The following TMEM132D variants were observed in gnomAD, a reference collection of about 807,000 sequenced individuals.
TMEM132D encodes the protein transmembrane protein 132D, also known as mature OL transmembrane protein.
A neutral mutation model predicts 62.3 loss-of-function variants in TMEM132D; 21 were observed. The ratio of observed to expected loss-of-function variants is 0.34; its 90% CI spans 0.24 to 0.49. The LOEUF (loss-of-function observed/expected upper bound fraction) is 0.49, where lower values mean the gene tolerates loss of function less well. Among genes scored for constraint, TMEM132D ranks in the 20% least tolerant of loss-of-function variants. The probability of loss-of-function intolerance (pLI) is 0.99; values close to 1 mark genes in which losing one functional copy is unlikely to be tolerated. For missense variants in TMEM132D, 1,346 were observed against 1,402.8 expected, an observed-to-expected ratio of 0.96 and a Z score of 0.65; for synonymous variants, 621 against 575.6, an observed-to-expected ratio of 1.08 and a Z score of -1.13.
intron 2 of TMEM132D, among the ~76,000 whole-genome samples, chr12:129,613,948 TCTCCAGAACGCAGGGGACTGA>T (rs1878847850): frequency 6.7e-6 from 1 of 149,736 alleles, no homozygotes; most frequent in South Asian, 2.1e-4. Flanking sequence ...CAGGCAACTG[TCTCCAGAACGCAGGGGACTGA>T]CTCCAGAACC....
intron 2 of TMEM132D, among the ~76,000 whole-genome samples, chr12:129,549,331 C>T (rs1474243382): frequency 6.6e-6 from 1 of 151,324 alleles, no homozygotes; most frequent in Admixed American, 6.6e-5. Flanking sequence ...GCTGTGTCCC[C>T]ACCCAAATCT....
At chr12:129,424,671 A>C (rs7308953) in intron 3 of TMEM132D, among the ~76,000 whole-genome samples, 1 of 137,836 alleles carries the variant, frequency 7.3e-6, no homozygotes, top group African/African-American at 2.7e-5. Context: ...TCACGCCACT[A>C]CACTCCAGCC....
At chr12:129,099,970 T>TGGGACTACAGGC (rs1875247903) in intron 5 of TMEM132D, among the ~76,000 whole-genome samples, 2 of 129,042 alleles carry the variant, frequency 1.5e-5, no homozygotes, top group African/African-American at 4.3e-5. Flanking sequence ...GGACTACAGG[T>TGGGACTACAGGC]GCCCGCCACT....
intron 2 of TMEM132D, among the ~76,000 whole-genome samples, chr12:129,604,522 T>G (rs1037508176): frequency 6.6e-5 from 10 of 152,184 alleles, no homozygotes; most frequent in African/African-American, 2.4e-4. Flanking sequence ...GCACGAGCGT[T>G]GGATCCTACA....
At chr12:129,331,327 C>A (rs1869098330) in intron 4 of TMEM132D, among the ~76,000 whole-genome samples, 1 of 152,148 alleles carries the variant, frequency 6.6e-6, no homozygotes, top group African/African-American at 2.4e-5. Context: ...TATCCTTATG[C>A]CATTGTGAAC....
At chr12:129,471,669 A>G (rs937343417) in intron 3 of TMEM132D, among the ~76,000 whole-genome samples, 1 of 152,244 alleles carries the variant, frequency 6.6e-6, no homozygotes, top group Non-Finnish European at 1.5e-5. Context: ...GCATGTCAAA[A>G]GAGGTGATAG....
chr12:129,492,591 A>T (rs1446871901), intron 3 of TMEM132D, among the ~76,000 whole-genome samples: 1 of 152,208 alleles, frequency 6.6e-6, no homozygotes, highest in African/African-American at 2.4e-5. Flanking sequence ...GCTCATTAGA[A>T]GTTCTGTTTT....
At chr12:129,662,709 C>T (rs563094614) in intron 2 of TMEM132D, among the ~76,000 whole-genome samples, 15 of 143,952 alleles carry the variant, frequency 1.0e-4, no homozygotes, top group African/African-American at 3.3e-4. Context: ...AGGAGAATCG[C>T]TTGAACCTGG....
chr12:129,154,626 T>C (rs1425911058), intron 5 of TMEM132D, among the ~76,000 whole-genome samples: 1 of 152,230 alleles, frequency 6.6e-6, no homozygotes, highest in African/African-American at 2.4e-5. Flanking sequence ...ATGGATCATA[T>C]TGTTTGTGAT....
intron 5 of TMEM132D, among the ~76,000 whole-genome samples, chr12:129,150,925 G>T (rs961024424): frequency 3.3e-5 from 5 of 152,186 alleles, no homozygotes; most frequent in South Asian, 2.1e-4. Flanking sequence ...GTGCCAGCTG[G>T]TGTTCTCTCC....
At chr12:129,448,500 A>G (rs7488998) in intron 3 of TMEM132D, among the ~76,000 whole-genome samples, 81,610 of 151,940 alleles carry the variant, frequency 0.54, 22,551 homozygotes, top group East Asian at 0.87. Context: ...TCCTGCATTA[A>G]TTTGCTAAGA....
intron 5 of TMEM132D, among the ~76,000 whole-genome samples, chr12:129,107,830 G>A (rs1172417482): frequency 6.6e-6 from 1 of 150,812 alleles, no homozygotes; most frequent in Non-Finnish European, 1.5e-5. Flanking sequence ...GGGACTACAG[G>A]TGTGCACCAC....
intron 3 of TMEM132D, among the ~76,000 whole-genome samples, chr12:129,353,562 A>G (rs1869942680): frequency 6.6e-6 from 1 of 152,002 alleles, no homozygotes; most frequent in Non-Finnish European, 1.5e-5. Flanking sequence ...GGCTCCATGG[A>G]GAAGGCAGCA....
intron 1 of TMEM132D, chr12:129,840,653 C>A (rs893218174): frequency 1.3e-5 from 2 of 152,218 alleles, no homozygotes; most frequent in Non-Finnish European, 2.9e-5. Flanking sequence ...AGGCCTTCCT[C>A]CAGCAAGGAG....
At chr12:129,493,973 A>G (rs1008239050) in intron 3 of TMEM132D, among the ~76,000 whole-genome samples, 1 of 152,210 alleles carries the variant, frequency 6.6e-6, no homozygotes, top group African/African-American at 2.4e-5. Flanking sequence ...TGCCTTAGGT[A>G]TAATGTCAAA....
chr12:129,102,299 CAT>C (rs775889453), intron 5 of TMEM132D, among the ~76,000 whole-genome samples: 3 of 152,196 alleles, frequency 2.0e-5, no homozygotes, highest in South Asian at 2.1e-4. Context: ...TAATCACACA[CAT>C]ACACATGCAC....
rs1399423127 is a variant in TMEM132D, at chr12:129,660,512, A to G, written c.968+39298T>C. On this transcript the variant is annotated intron_variant, in intron 2 of 8. Coordinates refer to ENST00000422113, the MANE Select transcript of TMEM132D (RefSeq NM_133448.3). ...TGTCACGTCCAATGTTGTCTGTGAC[A>G]TAACTCACAGATGTGTCCCCTTTAT... Among the ~76,000 whole-genome samples, 3 of 152,282 alleles carry G rather than the reference A, an allele frequency of 2.0e-5. No homozygotes were observed. The South Asian group carries it at 6.2e-4, about 32-fold the overall frequency.
chr12:129,899,131 G>T (rs942364431), intron 1 of TMEM132D, among the ~76,000 whole-genome samples: 3 of 150,670 alleles, frequency 2.0e-5, no homozygotes, highest in Non-Finnish European at 4.4e-5. Flanking sequence ...ATGGAATGAT[G>T]AATGGATGGA....
intron 2 of TMEM132D, among the ~76,000 whole-genome samples, chr12:129,616,595 G>A (rs1878923457): frequency 6.6e-6 from 1 of 152,192 alleles, no homozygotes; most frequent in African/African-American, 2.4e-5. Context: ...TTGTGATAGT[G>A]AGTGAATTCT....
Sources: gnomAD v4.1 joint callset for allele counts (sites outside exome capture counted in the v4.1 genomes callset) on GRCh38, gnomAD v4.1.1 for gene constraint, MANE v1.5 for transcripts, NCBI Gene and HGNC (gene_info 2026-07-23, HGNC 2026-07-21) for gene names.